Variants in ETV6 observed in about 807,000 individuals in gnomAD.
The protein encoded by ETV6 is ETS variant transcription factor 6, also known as transcription factor ETV6.
ETV6 carries 16 observed loss-of-function variants against 51.1 expected under a neutral mutation model. The observed-to-expected ratio is 0.31, with a 90% confidence interval of 0.21 to 0.48. The LOEUF (loss-of-function observed/expected upper bound fraction) is 0.48, where lower values mean the gene tolerates loss of function less well. Among genes scored for constraint, ETV6 ranks in the 20% least tolerant of loss-of-function variants. The pLI is 0.99. For missense variants in ETV6, 458 were observed against 594.8 expected (o/e 0.77, Z 2.39); for synonymous variants, 240 against 224.1 (o/e 1.07, Z -0.64).
intron 2 of ETV6, among the ~76,000 whole-genome samples, chr12:11,775,556 A>G (rs539107434): frequency 6.6e-6 from 1 of 152,326 alleles, no homozygotes; most frequent in Non-Finnish European, 1.5e-5. Flanking sequence ...ATACCGTGGT[A>G]GACAAGAACA....
rs72552341 is a variant in ETV6, at chr12:11,892,022, GAGCGC to G, written c.*982_*986del. 24,431 of 234,422 alleles carry G rather than the reference GAGCGC, an allele frequency of 0.1. 1,306 individuals are homozygous for G. The highest frequency in any genetic ancestry group is 0.13 in the Middle Eastern group (105 of 792). 14.5% of individuals were successfully genotyped at this position (234,422 alleles called of 1,614,324 possible). On this transcript the variant is annotated 3_prime_UTR_variant, in exon 8 of 8. Transcript: ENST00000396373. ...CCTCGGCAGCTTGGGATTAGCTTGG[GAGCGC>G]AGCGCTGCAAAGTGGAAAATATGAA...
chr12:11,754,465 C>T (rs16907207), intron 2 of ETV6, among the ~76,000 whole-genome samples: 4,625 of 152,272 alleles, frequency 0.03, 55 homozygotes, highest in Middle Eastern at 0.034. Context: ...CTATCTTCCA[C>T]GAGATGTTAT....
chr12:11,855,702 C>T (rs1228881654), intron 4 of ETV6, among the ~76,000 whole-genome samples: 1 of 152,212 alleles, frequency 6.6e-6, no homozygotes, highest in Non-Finnish European at 1.5e-5. Flanking sequence ...CAGGGCCCCT[C>T]GCTTCCGTGA....
intron 1 of ETV6, among the ~76,000 whole-genome samples, chr12:11,659,299 A>G (rs934923543): frequency 3.9e-5 from 6 of 152,212 alleles, no homozygotes; most frequent in African/African-American, 9.7e-5. Flanking sequence ...TTGTATGTAC[A>G]TGGCAGATGA....
At chr12:11,650,514 AAC>A (rs1863884613) in intron 1 of ETV6, among the ~76,000 whole-genome samples, 1 of 150,232 alleles carries the variant, frequency 6.7e-6, no homozygotes, top group African/African-American at 2.5e-5. Context: ...AAAAAAAAAA[AAC>A]CTGCTCCCTA....
intron 1 of ETV6, among the ~76,000 whole-genome samples, chr12:11,737,118 T>G (rs1865715999): frequency 6.6e-6 from 1 of 152,056 alleles, no homozygotes; most frequent in Non-Finnish European, 1.5e-5. Flanking sequence ...GAAATCAAAG[T>G]CCAAGCTCCA....
At chr12:11,867,822 A>C (rs1484436123) in intron 4 of ETV6, among the ~76,000 whole-genome samples, 3 of 152,250 alleles carry the variant, frequency 2.0e-5, no homozygotes, top group Admixed American at 1.3e-4. Context: ...CCCTGGGAAC[A>C]GATGTGGCCA....
At chr12:11,765,266 C>T (rs879766194) in intron 2 of ETV6, among the ~76,000 whole-genome samples, 1 of 152,148 alleles carries the variant, frequency 6.6e-6, no homozygotes, top group Non-Finnish European at 1.5e-5. Flanking sequence ...CTGGCACATA[C>T]ATAGTGTAAT....
chr12:11,706,923 G>A (rs1050495415), intron 1 of ETV6, among the ~76,000 whole-genome samples: 1 of 152,232 alleles, frequency 6.6e-6, no homozygotes, highest in African/African-American at 2.4e-5. Context: ...TGTACTGTCA[G>A]GTAGACCTCT....
intron 1 of ETV6, among the ~76,000 whole-genome samples, chr12:11,693,215 A>C (rs1172581285): frequency 1.3e-5 from 2 of 152,164 alleles, no homozygotes; most frequent in Non-Finnish European, 2.9e-5. Flanking sequence ...GGACGATTTC[A>C]GAGAAGTTAA....
intron 1 of ETV6, among the ~76,000 whole-genome samples, chr12:11,679,523 A>G (rs1864486250): frequency 6.6e-6 from 1 of 152,234 alleles, no homozygotes; most frequent in African/African-American, 2.4e-5. Context: ...GGTGAAGGGT[A>G]GGAACAGAGT....
At chr12:11,824,052 G>A (rs975094208) in intron 2 of ETV6, among the ~76,000 whole-genome samples, 3 of 152,200 alleles carry the variant, frequency 2.0e-5, no homozygotes, top group South Asian at 4.1e-4. Flanking sequence ...AGGAGAACCC[G>A]AAGATTGGTG....
intron 2 of ETV6, chr12:11,826,593 C>G (rs1946156941): frequency 6.6e-6 from 1 of 152,232 alleles, no homozygotes; most frequent in Non-Finnish European, 1.5e-5. Flanking sequence ...GACTACCCAC[C>G]AAAGCTAAGT....
chr12:11,826,830 T>G (rs557109252), intron 2 of ETV6, among the ~76,000 whole-genome samples: 4 of 152,220 alleles, frequency 2.6e-5, no homozygotes, highest in Admixed American at 2.6e-4. Context: ...TCTGTGGCCC[T>G]GGAAGGGGAG....
chr12:11,738,593 C>T (rs778109287), intron 1 of ETV6, among the ~76,000 whole-genome samples: 19 of 152,080 alleles, frequency 1.2e-4, no homozygotes, highest in Non-Finnish European at 1.5e-5. Context: ...AAGTGTGACC[C>T]ACTGCGCCTC....
chr12:11,691,377 C>T (rs931562202), intron 1 of ETV6, among the ~76,000 whole-genome samples: 1 of 152,176 alleles, frequency 6.6e-6, no homozygotes, highest in Non-Finnish European at 1.5e-5. Context: ...CCATCCTTCC[C>T]ACACCTCCTC....
intron 1 of ETV6, among the ~76,000 whole-genome samples, chr12:11,712,197 C>G (rs1865187511): frequency 6.6e-6 from 1 of 152,198 alleles, no homozygotes; most frequent in Non-Finnish European, 1.5e-5. Context: ...CCAGTGTAGA[C>G]AAAGTGAAGT....
rs35812814 is a variant in ETV6, at chr12:11,892,210, A to ATT, written c.*1186_*1187dup. 0.078 allele frequency: 11,773 copies of ATT among 151,730 alleles called. 610 individuals carry two copies. Among genetic ancestry groups the ATT allele is most frequent in the Admixed American group, 0.14 (1,269 of 9,236 alleles). 9.4% of individuals were successfully genotyped at this position (151,730 alleles called of 1,614,324 possible). On this transcript the variant is annotated 3_prime_UTR_variant, in exon 8 of 8. Coordinates refer to ENST00000396373, the MANE Select transcript of ETV6 (RefSeq NM_001987.5). ...GTGGTCAGTTTCATGCCCTCACCTG[A>ATT]TTTTTTTTTTTTTTTTTTTTTTTCA...
chr12:11,718,034 G>T (rs868413580), intron 1 of ETV6, among the ~76,000 whole-genome samples: 1 of 152,234 alleles, frequency 6.6e-6, no homozygotes, highest in South Asian at 2.1e-4. Context: ...TTCGAAACAT[G>T]GGGGGAAAGT....
Sources: allele counts gnomAD v4.1 joint callset (sites outside exome capture counted in the v4.1 genomes callset), GRCh38; gene constraint gnomAD v4.1.1; transcripts MANE v1.5; gene names NCBI Gene and HGNC (gene_info 2026-07-23, HGNC 2026-07-21).